The following BCL9L variants were observed in gnomAD, a reference collection of about 807,000 sequenced individuals.
BCL9L encodes BCL9 like.
Under a neutral mutation model 99.4 loss-of-function variants are expected in BCL9L, and 19 were observed. The observed-to-expected ratio is 0.19, with a 90% CI of 0.13 to 0.28. The LOEUF is 0.28. Among genes scored for constraint, BCL9L ranks in the 10% least tolerant of loss-of-function variants. BCL9L has a pLI of 1.00. For synonymous variants in BCL9L, 900 were observed against 854.8 expected (o/e 1.05, Z -0.92); for missense variants, 2,023 against 2,101.6 (o/e 0.96, Z 0.73).
In BCL9L at chr11:118,898,981, C is replaced by T. The variant is rs761689835; in HGVS notation, c.3934G>A (p.Glu1312Lys). ...ASVLNDPELS[E>K]VIRPTPTGIP... ...CCCGTTGGGGTGGGCCGGATCACCTCGCTCAGCTCGGGGTCGTTCAGCACT... is the reference window on the plus strand; with the variant it reads ...CCCGTTGGGGTGGGCCGGATCACCTTGCTCAGCTCGGGGTCGTTCAGCACT... Residue 1312 changes from glutamate (E) to lysine (K), a missense_variant, in exon 10 of 10, where the codon GAG becomes AAG. Around this residue, in one of 3 missense-constraint regions of BCL9L, gnomAD observed 902 missense variants for 888.2 expected, o/e 1.02. Coordinates refer to ENST00000683865, the MANE Select transcript of BCL9L (RefSeq NM_001378213.1). The T allele has an allele frequency of 1.3e-5, 21 of 1,613,406 alleles. No individual in the cohort carries two copies. The highest frequency in any genetic ancestry group is 2.2e-5 in the East Asian group (1 of 44,868).
Position 118,898,388 on chromosome 11 carries a change from C to A in BCL9L, c.*27G>T. ...TAAGGTTATCGTATTTGCAACATTG[C>A]CCCGGCTCCAGCCCTGGCAGCGACT... On this transcript the variant is annotated 3_prime_UTR_variant, in exon 10 of 10. Coordinates refer to ENST00000683865, the MANE Select transcript of BCL9L (RefSeq NM_001378213.1). 1 of 1,516,828 alleles carries A rather than the reference C, an allele frequency of 6.6e-7. No homozygotes were observed. 94.0% of individuals were successfully genotyped at this position (1,516,828 alleles called of 1,614,324 possible). A position where few individuals can be genotyped will look rare whatever the true frequency, so the allele number is the denominator to read the frequency against.
rs1026004830 is a variant in BCL9L, at chr11:118,916,709, C to T, written c.-77+2117G>A. Among the ~76,000 whole-genome samples the T allele has an allele frequency of 4.1e-4, 63 of 152,348 alleles. 1 individual carries two copies. The highest frequency in any genetic ancestry group is 1.3e-3 in the African/African-American group (53 of 41,582). ...ACAGACAGGCCCATCGGGGCTCCCC[C>T]ACATGATCATAGGTCTGGGCACTGC... On this transcript the variant is annotated intron_variant, in intron 2 of 9. Transcript: ENST00000683865.
chr11:118,902,296 G>A lies in BCL9L; in HGVS notation c.1447C>T (p.Pro483Ser). ...ISQTQSLGGP[P>S]LEHEVPGHPP... ...TGCCCAGGCACTTCATGCTCCAGCGGGGGGCCCCCTAGGCTCTGTGTCTGT... is the reference window on the plus strand; with the variant it reads ...TGCCCAGGCACTTCATGCTCCAGCGAGGGGCCCCCTAGGCTCTGTGTCTGT... The change falls in exon 8 of 10, where the codon CCG (proline) becomes TCG (serine). Residue 483 changes from proline to serine, a missense_variant. By Grantham distance (74) the Pro-to-Ser change is moderately conservative. Around this residue, in one of 3 missense-constraint regions of BCL9L, gnomAD observed 1,116 missense variants for 1,194.6 expected, o/e 0.93. Coordinates refer to ENST00000683865, the MANE Select transcript of BCL9L (RefSeq NM_001378213.1). This position sits in a 1 kb window ranked among gnomAD's most constrained non-coding sequence, Gnocchi z 7.8. 6.3e-7 allele frequency: 1 copy of A among 1,579,106 alleles called. No individual in the cohort carries two copies. The highest frequency in any genetic ancestry group is 8.6e-7 in the Non-Finnish European group (1 of 1,161,408).
In BCL9L at chr11:118,900,912, A is replaced by G; in HGVS notation, c.2831T>C (p.Leu944Pro). ...GAGGTTGGCAGAGGGCGAGGTGACC[A>G]GGGGTGAGTGCACCTGGCTAAGGGT... Reference protein sequence around the residue: ...SPTLSQVHSPLVTSPSANLKS... With the variant: ...SPTLSQVHSPPVTSPSANLKS... The change falls in exon 8 of 10, where the codon CTG becomes CCG. Residue 944 changes from leucine to proline, a missense_variant. This residue lies in a region of BCL9L where 902 missense variants were observed against 888.2 expected (regional missense o/e 1.02). Transcript: ENST00000683865. This position sits in a 1 kb window ranked among gnomAD's most constrained non-coding sequence, Gnocchi z 5.3. 1.3e-6 allele frequency: 2 copies of G among 1,583,312 alleles called. No homozygotes were observed. The highest frequency in any genetic ancestry group is 1.7e-6 in the Non-Finnish European group (2 of 1,161,994).
chr11:118,915,585 G>A (rs1359299657), intron 2 of BCL9L, among the ~76,000 whole-genome samples: 1 of 152,182 alleles, frequency 6.6e-6, no homozygotes, highest in Non-Finnish European at 1.5e-5. Flanking sequence ...TGAACCCAGA[G>A]AGGGGCTGGG....
At chr11:118,899,661 C>T (rs1301938908) in intron 9 of BCL9L, among the ~76,000 whole-genome samples, 153 bp from the exon 10 acceptor site, 2 of 152,088 alleles carry the variant, frequency 1.3e-5, no homozygotes, top group Non-Finnish European at 2.9e-5. Flanking sequence ...GGACTGGAGG[C>T]ATTGATGCTA....
chr11:118,902,367 G>A lies in BCL9L; in HGVS notation c.1376C>T (p.Pro459Leu). ...PPPQQPPTAP[P>L]SGLKKYEEPL... ...TTCCTCATATTTCTTCAGCCCGCTG[G>A]GAGGGGCCGTGGGTGGCTGCTGGGG... is the stretch of plus-strand genomic sequence containing the variant. The change falls in exon 8 of 10, where the codon CCC becomes CTC. Residue 459 changes from proline to leucine, a missense_variant. Physicochemically the swap from Pro to Leu is moderately conservative, Grantham distance 98 (BLOSUM62 -3). This residue lies in a region of BCL9L where 1,116 missense variants were observed against 1,194.6 expected (regional missense o/e 0.93). Transcript: ENST00000683865. This position sits in a 1 kb window ranked among gnomAD's most constrained non-coding sequence, Gnocchi z 7.8. 6.5e-7 allele frequency: 1 copy of A among 1,541,068 alleles called. No individual in the cohort carries two copies. Among genetic ancestry groups the A allele is most frequent in the Non-Finnish European group, 8.7e-7 (1 of 1,146,492 alleles).
At position 118,899,107 on chromosome 11, in the gene BCL9L, G is replaced by A; in HGVS notation, c.3808C>T (p.Pro1270Ser). Residue 1270 changes from proline (P) to serine (S), a missense_variant, in exon 10 of 10, where the codon CCG becomes TCG. Physicochemically the swap from Pro to Ser is moderately conservative, Grantham distance 74 (BLOSUM62 -1). Transcript: ENST00000683865. Reference protein sequence around the residue: ...ALPPEDLPNQPPGPMPPQQHL... With the variant: ...ALPPEDLPNQSPGPMPPQQHL... ...TGCTGGGGAGGCATGGGGCCTGGCG[G>A]CTGGTTGGGCAGGTCCTCGGGAGGC... The A allele has an allele frequency of 6.3e-7, 1 of 1,579,290 alleles. No homozygotes were observed. Among genetic ancestry groups the A allele is most frequent in the South Asian group, 1.1e-5 (1 of 88,172 alleles).
chr11:118,898,484 G>A lies in BCL9L; in HGVS notation c.4431C>T (p.Arg1477=), dbSNP rs867925664. ...CCATCTGGCTGTCCAGGGACACACT[G>A]CGCTGCCGAAGGGGGTGGGACACCA... ...NLMVSHPLRQ[R]SVSLDSQMGY... The change falls in exon 10 of 10, where the codon CGC becomes CGT. Residue 1477 remains arginine, a synonymous_variant. Transcript: ENST00000683865. 1.1e-5 allele frequency: 17 copies of A among 1,604,226 alleles called. No homozygotes were observed. In the Middle Eastern group the frequency reaches 6.6e-4, roughly 62 times the overall value.
intron 2 of BCL9L, among the ~76,000 whole-genome samples, chr11:118,913,573 GA>G (rs928091989): frequency 6.6e-6 from 1 of 152,146 alleles, no homozygotes; most frequent in African/African-American, 2.4e-5. Context: ...GAGGGGTAGA[GA>G]GGGGGTGGGG....
chr11:118,910,233 C>G, intron 2 of BCL9L: 2 of 452,198 alleles, frequency 4.4e-6, no homozygotes, highest in Middle Eastern at 6.3e-4. Flanking sequence ...CAGTCTCCAG[C>G]AAGCCTCCGC....
In BCL9L at chr11:118,899,968, G is replaced by A. The variant is rs756795902; in HGVS notation, c.3355C>T (p.Pro1119Ser). Residue 1119 changes from proline (P) to serine (S), a missense_variant, in exon 9 of 10, where the codon CCC (proline) becomes TCC (serine). By Grantham distance (74) the Pro-to-Ser change is moderately conservative (BLOSUM62 -1). Transcript: ENST00000683865. ...TIATSDDELL[P>S]DRPLLPPPPP... ...GGGGGGGGCAGCAGGGGCCGGTCGG[G>A]CAGCAGCTCGTCGTCTGAGGTGGCG... The A allele has an allele frequency of 4.3e-6, 7 of 1,613,962 alleles. No homozygotes were observed. Among genetic ancestry groups the A allele is most frequent in the Non-Finnish European group, 5.9e-6 (7 of 1,179,996 alleles).
rs1162069113 is a variant in BCL9L, at chr11:118,899,503, T to C, written c.3412A>G (p.Ser1138Gly). 6.2e-7 allele frequency: 1 copy of C among 1,608,270 alleles called. No homozygotes were observed. Among genetic ancestry groups the C allele is most frequent in the Non-Finnish European group, 8.5e-7 (1 of 1,178,588 alleles). The change falls in exon 10 of 10, where the codon AGC becomes GGC. Residue 1138 changes from serine to glycine, a missense_variant. Ser to Gly is a moderately conservative substitution (Grantham distance 56). This residue lies in a region of BCL9L where 902 missense variants were observed against 888.2 expected (regional missense o/e 1.02). Coordinates refer to ENST00000683865, the MANE Select transcript of BCL9L (RefSeq NM_001378213.1). ...PPPQGSGPGI[S>G]NSQPSQMHLN... ...TGCATCTGGCTGGGCTGGCTGTTGC[T>C]GATCCCTGTAGGGAATAGAAGACAG...
rs1050359514 is a variant in BCL9L, at chr11:118,898,645, G to A, written c.4270C>T (p.Pro1424Ser). 6.2e-7 allele frequency: 1 copy of A among 1,612,282 alleles called. No homozygotes were observed. Among genetic ancestry groups the A allele is most frequent in the Admixed American group, 1.7e-5 (1 of 59,914 alleles). Reference protein sequence around the residue: ...HGLHQGVMSPPQGLMTQQNFM... With the variant: ...HGLHQGVMSPSQGLMTQQNFM... ...TTCTGCTGGGTCATGAGGCCTTGTG[G>A]AGGGGACATGACCCCCTGGTGCAGG... Residue 1424 changes from proline to serine, a missense_variant, in exon 10 of 10, where the codon CCA becomes TCA. Physicochemically the swap from Pro to Ser is moderately conservative, Grantham distance 74. Around this residue, in one of 3 missense-constraint regions of BCL9L, gnomAD observed 902 missense variants for 888.2 expected, o/e 1.02. Coordinates refer to ENST00000683865, the MANE Select transcript of BCL9L (RefSeq NM_001378213.1).
In BCL9L at chr11:118,914,074, AC is replaced by A. The variant is rs902009851; in HGVS notation, c.-76-4060del. 6.6e-6 allele frequency among the ~76,000 whole-genome samples: 1 copy of A among 151,796 alleles called. No homozygotes were observed. Among genetic ancestry groups the A allele is most frequent in the Non-Finnish European group, 1.5e-5 (1 of 67,900 alleles). On this transcript the variant is annotated intron_variant, in intron 2 of 9. Transcript: ENST00000683865. The surrounding 1 kb of genome is among the most constrained non-coding windows in gnomAD (Gnocchi z 4.4). ...GGGGGTAGGAGATGATCCAGGTGCC[AC>A]TCTCTACCCTATGGAGACTCCCATC... is the stretch of plus-strand genomic sequence containing the variant.
At chr11:118,905,326 T>C (rs1940463843) in intron 5 of BCL9L, among the ~76,000 whole-genome samples, 1 of 152,060 alleles carries the variant, frequency 6.6e-6, no homozygotes, top group Non-Finnish European at 1.5e-5. Flanking sequence ...CTGGCCATAA[T>C]GGTGAAACTC....
chr11:118,899,324 G>T lies in BCL9L; in HGVS notation c.3591C>A (p.Pro1197=). 6.4e-7 allele frequency: 1 copy of T among 1,558,810 alleles called. No individual in the cohort carries two copies. The highest frequency in any genetic ancestry group is 8.7e-7 in the Non-Finnish European group (1 of 1,152,740). ...GGGCCATCATCATGGAGTTTTGAGGGGGCCCCCCTGTCCCCTGTGCGTTGG... is the reference window on the plus strand; with the variant it reads ...GGGCCATCATCATGGAGTTTTGAGGTGGCCCCCCTGTCCCCTGTGCGTTGG... ...LHPNAQGTGG[P]PQNSMMMAPG... Residue 1197 remains proline, a synonymous_variant, in exon 10 of 10, where the codon CCC becomes CCA. Transcript: ENST00000683865.
rs770073598 is a variant in BCL9L, at chr11:118,901,016, C to A, written c.2727G>T (p.Gly909=). Residue 909 remains glycine (G), a synonymous_variant, in exon 8 of 10, where the codon GGG becomes GGT. Coordinates refer to ENST00000683865, the MANE Select transcript of BCL9L (RefSeq NM_001378213.1). The surrounding 1 kb of genome is among the most constrained non-coding windows in gnomAD (Gnocchi z 6.6). ...TGAGGTCCGAAGGCCGCCTGCCTAG[C>A]CCCCGGTTTGGGGCTGAATGCACGG... ...PGTVHSAPNR[G]LGRRPSDLTI... 1.3e-6 allele frequency: 2 copies of A among 1,560,058 alleles called. No individual in the cohort carries two copies. Among genetic ancestry groups the A allele is most frequent in the African/African-American group, 1.4e-5 (1 of 73,560 alleles).
intron 1 of BCL9L, among the ~76,000 whole-genome samples, chr11:118,919,629 C>T (rs1398348911): frequency 6.6e-6 from 1 of 152,120 alleles, no homozygotes; most frequent in Non-Finnish European, 1.5e-5. Context: ...CCCTCCCTCT[C>T]TCTCACTGCA....
Sources: gnomAD v4.1 joint callset for allele counts (sites outside exome capture counted in the v4.1 genomes callset) on GRCh38, gnomAD v4.1.1 for gene constraint, gnomAD v4.1.1 regional missense constraint, Gnocchi (gnomAD v3.1) non-coding constraint, MANE v1.5 for transcripts, NCBI Gene and HGNC (gene_info 2026-07-23, HGNC 2026-07-21) for gene names.